Variants in DSC3 observed in about 807,000 individuals in gnomAD.
DSC3 encodes desmocollin 3.
A neutral mutation model predicts 89.5 loss-of-function variants in DSC3; 97 were observed. The observed-to-expected ratio is 1.08, with a 90% confidence interval of 0.92 to 1.28. The LOEUF (loss-of-function observed/expected upper bound fraction) is 1.28, where lower values mean the gene tolerates loss of function less well. DSC3 is among the 50% of genes most tolerant of loss of function. DSC3 has a pLI of 0.00. For synonymous variants in DSC3, 436 were observed against 384.1 expected (o/e 1.14, Z -1.58); for missense variants, 1,199 against 1,085.3 (o/e 1.10, Z -1.47).
intron 1 of DSC3, among the ~76,000 whole-genome samples, chr18:31,033,301 A>G (rs140570854): frequency 0.021 from 3,173 of 152,222 alleles, 49 homozygotes; most frequent in Non-Finnish European, 0.027. Flanking sequence ...TAGAAATACA[A>G]GTTACCCAAA....
intron 13 of DSC3, among the ~76,000 whole-genome samples, chr18:31,002,203 T>G (rs570725974): frequency 1.3e-5 from 2 of 152,372 alleles, no homozygotes; most frequent in South Asian, 4.1e-4. Flanking sequence ...TAAGAATTCT[T>G]ATTCTAAATC....
chr18:31,005,260 T>C (rs1406541470), intron 12 of DSC3, among the ~76,000 whole-genome samples: 1 of 152,154 alleles, frequency 6.6e-6, no homozygotes, highest in Non-Finnish European at 1.5e-5. Context: ...GTAAGATCCT[T>C]GAAATCTCTC....
chr18:31,038,207 C>T (rs1598555481), intron 1 of DSC3, among the ~76,000 whole-genome samples: 1 of 152,216 alleles, frequency 6.6e-6, no homozygotes, highest in Admixed American at 6.5e-5. Context: ...TCATACGATC[C>T]TCATAAAATG....
At chr18:31,029,403 C>T (rs1985704206) in intron 4 of DSC3, 106 bp downstream of exon 4, 2 of 1,443,192 alleles carry the variant, frequency 1.4e-6, no homozygotes. Context: ...TCATGAACAT[C>T]TTTAATCAGA....
At chr18:31,040,817 G>A (rs1001210130) in intron 1 of DSC3, among the ~76,000 whole-genome samples, 1 of 151,956 alleles carries the variant, frequency 6.6e-6, no homozygotes, top group Non-Finnish European at 1.5e-5. Flanking sequence ...GTTGAGAGTC[G>A]TATGAGTCAA....
intron 6 of DSC3, 52 bp downstream of exon 6, chr18:31,024,297 T>G: frequency 1.3e-6 from 2 of 1,488,676 alleles, no homozygotes; most frequent in Non-Finnish European, 1.8e-6. Context: ...TCTTTTAAAA[T>G]GTACACAGAC....
chr18:31,026,584 G>A (rs1985606563), intron 4 of DSC3, among the ~76,000 whole-genome samples: 1 of 152,098 alleles, frequency 6.6e-6, no homozygotes, highest in African/African-American at 2.4e-5. Context: ...GAAGTGGTTA[G>A]ATTCTGGATA....
At chr18:31,025,672 C>G in intron 5 of DSC3, 88 bp downstream of exon 5, 1 of 1,370,860 alleles carries the variant, frequency 7.3e-7, no homozygotes, top group Non-Finnish European at 1.0e-6. Context: ...GAAGAGAATG[C>G]AAGGAGAGAG....
intron 1 of DSC3, among the ~76,000 whole-genome samples, chr18:31,033,337 A>G (rs1323468873): frequency 1.3e-5 from 2 of 152,204 alleles, no homozygotes; most frequent in African/African-American, 4.8e-5. Flanking sequence ...AAAAAAACTG[A>G]AAGACCTATT....
At chr18:31,024,235 T>C (rs1047345538) in intron 6 of DSC3, 114 bp downstream of exon 6, 40 of 978,214 alleles carry the variant, frequency 4.1e-5, no homozygotes, top group Non-Finnish European at 5.1e-5. Context: ...AAGTAGATTC[T>C]AGTTCAGCGT....
In DSC3 at chr18:31,000,861, A is replaced by G. The variant is rs367604071; in HGVS notation, c.2235+757T>C. Among the ~76,000 whole-genome samples, 7 of 151,922 alleles carry G rather than the reference A, an allele frequency of 4.6e-5. No individual in the cohort carries two copies. The East Asian group carries it at 1.2e-3, about 25-fold the overall frequency. ...TGTTTTTGAACTCTGACAGTGCTTTATCATATTGGTTTATTGTCATGTTCC... is the reference window on the plus strand; with the variant it reads ...TGTTTTTGAACTCTGACAGTGCTTTGTCATATTGGTTTATTGTCATGTTCC... On this transcript the variant is annotated intron_variant, in intron 14 of 15. Coordinates refer to ENST00000360428, the MANE Select transcript of DSC3 (RefSeq NM_001941.5).
At chr18:30,997,208 G>A (rs981617181) in intron 14 of DSC3, among the ~76,000 whole-genome samples, 160 bp from the exon 15 acceptor site, 2 of 152,174 alleles carry the variant, frequency 1.3e-5, no homozygotes, top group Non-Finnish European at 2.9e-5. Flanking sequence ...CCCAGATACT[G>A]TCTTCATTCA....
intron 9 of DSC3, among the ~76,000 whole-genome samples, chr18:31,016,278 C>T (rs1985233799): frequency 6.6e-6 from 1 of 152,168 alleles, no homozygotes; most frequent in Admixed American, 6.5e-5. Context: ...CCACCATTTT[C>T]CTTTGTCTGT....
rs1984503913 is a variant in DSC3 at position 30,997,139 on chromosome 18, C to T, written c.2236-91G>A. On this transcript the variant is annotated intron_variant, in intron 14 of 15. Transcript: ENST00000360428. Reference sequence around the variant, plus strand: ...AAAGGAGAGAGAATATTTGTTCAACCTTTTATTCATTCATTCATTCATTCA... The same window carrying T: ...AAAGGAGAGAGAATATTTGTTCAACTTTTTATTCATTCATTCATTCATTCA... The T allele has an allele frequency of 3.4e-6, 5 of 1,465,080 alleles. No individual in the cohort carries two copies. The South Asian group carries it at 4.7e-5, about 14-fold the overall frequency. The allele number at this position is 1,465,080 out of a possible 1,614,324, so 90.8% of individuals were successfully genotyped here.
Position 30,994,024 on chromosome 18 carries a change from A to T in DSC3, c.*151T>A. On this transcript the variant is annotated 3_prime_UTR_variant, in exon 16 of 16. Coordinates refer to ENST00000360428, the MANE Select transcript of DSC3 (RefSeq NM_001941.5). ...TCACTTTTTGGAAAAGATAAGCAAC[A>T]ACTTGCTTTAAAAATATAAATTGGT... is the stretch of plus-strand genomic sequence containing the variant. 1 of 775,740 alleles carries T rather than the reference A, an allele frequency of 1.3e-6. No homozygotes were observed. Among genetic ancestry groups the T allele is most frequent in the Non-Finnish European group, 2.1e-6 (1 of 480,082 alleles). The allele number at this position is 775,740 out of a possible 1,614,324, so 48.1% of individuals were successfully genotyped here. A position where few individuals can be genotyped will look rare whatever the true frequency, so the allele number is the denominator to read the frequency against.
intron 13 of DSC3, among the ~76,000 whole-genome samples, chr18:31,003,448 C>T (rs146268271): frequency 3.3e-5 from 5 of 152,294 alleles, no homozygotes; most frequent in South Asian, 2.1e-4. Context: ...AAATTTACTA[C>T]GTACTGTTCT....
Position 31,006,970 on chromosome 18 carries a change from A to C in DSC3, c.1825T>G (p.Tyr609Asp), listed in dbSNP as rs1410520167. The change falls in exon 12 of 16, where the codon TAT (tyrosine) becomes GAT (aspartate). Residue 609 changes from tyrosine to aspartate, a missense_variant. Transcript: ENST00000360428. ...PDEPVHGAPF[Y>D]FSLPNTSPEI... ...GGAGAAGTATTGGGCAAACTGAAATAAAATGGAGCTCCATGGACAGGTTCA... is the reference window on the plus strand; with the variant it reads ...GGAGAAGTATTGGGCAAACTGAAATCAAATGGAGCTCCATGGACAGGTTCA... The C allele has an allele frequency of 1.2e-6, 2 of 1,613,832 alleles. No individual in the cohort carries two copies. The highest frequency in any genetic ancestry group is 1.1e-5 in the South Asian group (1 of 91,088).
intron 9 of DSC3, among the ~76,000 whole-genome samples, chr18:31,014,480 AT>A (rs1413395019): frequency 6.6e-6 from 1 of 152,016 alleles, no homozygotes; most frequent in Admixed American, 6.6e-5. Context: ...TGAACTTTGA[AT>A]TTTTGTTTCT....
intron 1 of DSC3, among the ~76,000 whole-genome samples, 177 bp from the exon 2 acceptor site, chr18:31,032,453 C>A (rs891227106): frequency 2.0e-5 from 3 of 150,700 alleles, no homozygotes; most frequent in Non-Finnish European, 4.4e-5. Flanking sequence ...TTATGAAAAA[C>A]AACAACTAAC....
Sources: allele counts gnomAD v4.1 joint callset (sites outside exome capture counted in the v4.1 genomes callset), GRCh38; gene constraint gnomAD v4.1.1; transcripts MANE v1.5; gene names NCBI Gene and HGNC (gene_info 2026-07-23, HGNC 2026-07-21).